The following TSHZ3 variants were observed in gnomAD, a reference collection of about 807,000 sequenced individuals.
The protein encoded by TSHZ3 is teashirt zinc finger homeobox 3, also known as teashirt homolog 3.
Under a neutral mutation model 64.5 loss-of-function variants are expected in TSHZ3, and 10 were observed. That is an observed-to-expected ratio of 0.16 (90% CI 0.10 to 0.26). The LOEUF (loss-of-function observed/expected upper bound fraction) is 0.26. Ranked by LOEUF, TSHZ3 falls within the 10% of genes least tolerant of loss-of-function variation. TSHZ3 has a pLI of 1.00. For missense variants in TSHZ3, 1,242 were observed against 1,421.7 expected (o/e 0.87, Z 2.03); for synonymous variants, 608 against 593.1 (o/e 1.03, Z -0.36).
intron 4 of TSHZ3, among the ~76,000 whole-genome samples, chr19:31,224,813 T>C (rs1373738782): frequency 6.6e-6 from 1 of 152,228 alleles, no homozygotes; most frequent in Non-Finnish European, 1.5e-5. Flanking sequence ...ATTTAAAAAC[T>C]TTATTTGATT....
chr19:31,344,853 A>G (rs1188060852), intron 1 of TSHZ3, among the ~76,000 whole-genome samples: 1 of 152,214 alleles, frequency 6.6e-6, no homozygotes, highest in Non-Finnish European at 1.5e-5. Flanking sequence ...TTTAGCAAAA[A>G]GAGGGGAAAA....
At position 31,277,712 on chromosome 19, in the gene TSHZ3, A is replaced by T. The variant is rs756431992; in HGVS notation, c.2081T>A (p.Leu694Gln). ...LAEPVENGKELVKPLASSLSG... is the reference protein window; with the variant it reads ...LAEPVENGKEQVKPLASSLSG... ...CAAACTGCTGGCTAGGGGCTTCACC[A>T]GCTCCTTGCCATTCTCCACCGGCTC... The change falls in exon 2 of 2, where the codon CTG becomes CAG. Residue 694 changes from leucine to glutamine, a missense_variant. Physicochemically the swap from Leu to Gln is moderately radical, Grantham distance 113. Coordinates refer to ENST00000240587, the MANE Select transcript of TSHZ3 (RefSeq NM_020856.4). This position sits in a 1 kb window ranked among gnomAD's most constrained non-coding sequence, Gnocchi z 4.5. 6.6e-7 allele frequency: 1 copy of T among 1,524,296 alleles called. No homozygotes were observed. Among genetic ancestry groups the T allele is most frequent in the South Asian group, 1.3e-5 (1 of 75,570 alleles). 94.4% of individuals were successfully genotyped at this position (1,524,296 alleles called of 1,614,324 possible). A position where few individuals can be genotyped will look rare whatever the true frequency, so the allele number is the denominator to read the frequency against.
chr19:31,198,584 G>T (rs1410025202), intron 5 of TSHZ3, among the ~76,000 whole-genome samples: 1 of 152,130 alleles, frequency 6.6e-6, no homozygotes, highest in Non-Finnish European at 1.5e-5. Context: ...TACCAAGGTT[G>T]CAGGATAAAG....
chr19:31,245,314 G>C (rs1353445703), intron 1 of TSHZ3, among the ~76,000 whole-genome samples: 1 of 151,984 alleles, frequency 6.6e-6, no homozygotes, highest in African/African-American at 2.4e-5. Context: ...GATAGGCAAG[G>C]AACTAAAATA....
chr19:31,174,212 A>G (rs2145118478), intron 5 of TSHZ3, among the ~76,000 whole-genome samples: 1 of 152,368 alleles, frequency 6.6e-6, no homozygotes, highest in East Asian at 1.9e-4. Flanking sequence ...CCTGAGGACC[A>G]GGAGAGCTAA....
chr19:31,298,391 C>A (rs937881073), intron 1 of TSHZ3, among the ~76,000 whole-genome samples: 3 of 152,122 alleles, frequency 2.0e-5, no homozygotes, highest in African/African-American at 7.2e-5. Context: ...CAGTCAATTT[C>A]TTTGAATTAA....
chr19:31,217,214 G>C, intron 4 of TSHZ3, among the ~76,000 whole-genome samples: 1 of 152,144 alleles, frequency 6.6e-6, no homozygotes, highest in Non-Finnish European at 1.5e-5. Context: ...GAATGTTGTG[G>C]GCAGAGGAAC....
chr19:31,312,442 C>A (rs1218455407), intron 1 of TSHZ3, among the ~76,000 whole-genome samples: 1 of 152,196 alleles, frequency 6.6e-6, no homozygotes, highest in Non-Finnish European at 1.5e-5. Context: ...CAGCTCAGGG[C>A]AGCAAATTCC....
chr19:31,188,546 C>T (rs928735298), intron 5 of TSHZ3, among the ~76,000 whole-genome samples: 9 of 151,864 alleles, frequency 5.9e-5, no homozygotes, highest in Non-Finnish European at 1.2e-4. Context: ...TTAGCAAATG[C>T]TTTTTCTGCA....
At chr19:31,159,281 A>G (rs1044036625) in intron 5 of TSHZ3, among the ~76,000 whole-genome samples, 3 of 152,172 alleles carry the variant, frequency 2.0e-5, no homozygotes, top group African/African-American at 7.2e-5. Context: ...GATTACAGGC[A>G]TGAGCCACCA....
chr19:31,183,585 A>G (rs1433133487), intron 5 of TSHZ3, among the ~76,000 whole-genome samples: 1 of 152,176 alleles, frequency 6.6e-6, no homozygotes, highest in Admixed American at 6.5e-5. Context: ...AAAGGCAGCA[A>G]GCAGGTTGGG....
In TSHZ3 at chr19:31,231,762, G is replaced by A. The variant is rs571384565; in HGVS notation, n.551-3622C>T. 1.4e-4 allele frequency among the ~76,000 whole-genome samples: 22 copies of A among 152,214 alleles called. No homozygotes were observed. In the East Asian group the frequency reaches 3.1e-3, roughly 21 times the overall value. ...TTACATAACTCCAACCGGAGCTTAC[G>A]GATCCTATAGCAGCTTCACAAGTCG... is the stretch of plus-strand genomic sequence containing the variant. On this transcript the variant is annotated intron_variant and non_coding_transcript_variant, in intron 3 of 6. Coordinates refer to the TSHZ3 transcript ENST00000651361.
chr19:31,255,958 C>T (rs1029190082), intron 1 of TSHZ3, among the ~76,000 whole-genome samples: 3 of 152,014 alleles, frequency 2.0e-5, no homozygotes, highest in Non-Finnish European at 2.9e-5. Context: ...TTGCCCAGGA[C>T]AGGAGGGGAC....
chr19:31,155,171 G>A (rs1055769697), intron 6 of TSHZ3, among the ~76,000 whole-genome samples: 19 of 152,158 alleles, frequency 1.2e-4, no homozygotes, highest in African/African-American at 1.7e-4. Context: ...CCTCACAGCC[G>A]CCTGAACATT....
chr19:31,341,346 G>C (rs985015591), intron 1 of TSHZ3, among the ~76,000 whole-genome samples: 6 of 152,210 alleles, frequency 3.9e-5, no homozygotes, highest in African/African-American at 1.4e-4. Flanking sequence ...AAACTTCCCT[G>C]ATGTCCTGTG....
chr19:31,183,178 T>TTCTC (rs750398873), intron 5 of TSHZ3, among the ~76,000 whole-genome samples: 2,006 of 116,264 alleles, frequency 0.017, 23 homozygotes, highest in East Asian at 0.045. Context: ...TTCTATGAGA[T>TTCTC]TCTCTCTCTC....
At chr19:31,296,243 G>C (rs1976657109) in intron 1 of TSHZ3, among the ~76,000 whole-genome samples, 1 of 151,626 alleles carries the variant, frequency 6.6e-6, no homozygotes, top group South Asian at 2.1e-4. Context: ...GGCATGGAGA[G>C]AGGAAGGGGA....
At chr19:31,167,217 G>A (rs1974467012) in intron 5 of TSHZ3, among the ~76,000 whole-genome samples, 1 of 152,188 alleles carries the variant, frequency 6.6e-6, no homozygotes, top group Non-Finnish European at 1.5e-5. Context: ...TTTAACATCT[G>A]CTGCCACCTG....
At chr19:31,310,626 G>T (rs1332572690) in intron 1 of TSHZ3, among the ~76,000 whole-genome samples, 1 of 152,162 alleles carries the variant, frequency 6.6e-6, no homozygotes, top group Non-Finnish European at 1.5e-5. Context: ...CGGGCTCTGT[G>T]TGATGCATAA....
Sources: allele counts gnomAD v4.1 joint callset (sites outside exome capture counted in the v4.1 genomes callset), GRCh38; gene constraint gnomAD v4.1.1; non-coding constraint Gnocchi (gnomAD v3.1); transcripts MANE v1.5; gene names NCBI Gene and HGNC (gene_info 2026-07-23, HGNC 2026-07-21).